Variants in LCMT1 observed in about 807,000 individuals in gnomAD.
The protein encoded by LCMT1 is [Phosphatase 2A protein]-leucine-carboxy methyltransferase 1.
In LCMT1, 32 loss-of-function variants were observed where a neutral mutation model predicts 47.7. The ratio of observed to expected loss-of-function variants is 0.67; its 90% CI spans 0.51 to 0.90. LCMT1 has a LOEUF of 0.90. Among genes scored for constraint, LCMT1 ranks in the 40% least tolerant of loss-of-function variants. LCMT1 has a pLI of 0.00. For synonymous variants in LCMT1, 152 were observed against 149.7 expected, an observed-to-expected ratio of 1.02 and a Z score of -0.11; for missense variants, 375 against 415.2, an observed-to-expected ratio of 0.90 and a Z score of 0.84.
At chr16:25,134,915 T>A (rs1421125743) in intron 3 of LCMT1, among the ~76,000 whole-genome samples, 1 of 152,180 alleles carries the variant, frequency 6.6e-6, no homozygotes, top group African/African-American at 2.4e-5. Flanking sequence ...TGTTGTGTTT[T>A]TGTAATGAGT....
intron 7 of LCMT1, among the ~76,000 whole-genome samples, chr16:25,167,310 CT>C (rs1202315652): frequency 6.6e-6 from 1 of 151,670 alleles, no homozygotes; most frequent in East Asian, 1.9e-4. Context: ...TTTGCTTTTC[CT>C]TTTTTTTGGT....
chr16:25,120,739 GTTTT>G (rs972134934), intron 1 of LCMT1, among the ~76,000 whole-genome samples: 7 of 103,576 alleles, frequency 6.8e-5, no homozygotes, highest in Admixed American at 4.7e-4. Context: ...TTGTTTTTTT[GTTTT>G]TTTTTTTTGT....
chr16:25,129,485 A>G (rs1159311944), intron 2 of LCMT1, among the ~76,000 whole-genome samples: 1 of 152,198 alleles, frequency 6.6e-6, no homozygotes, highest in African/African-American at 2.4e-5. Context: ...GATCATTTTC[A>G]TGTGTTTGAA....
chr16:25,129,187 A>AAC (rs1488209316), intron 2 of LCMT1, among the ~76,000 whole-genome samples: 6 of 151,888 alleles, frequency 4.0e-5, no homozygotes, highest in Non-Finnish European at 8.8e-5. Flanking sequence ...CAAGTTTTAT[A>AAC]ACACACTGTG....
At chr16:25,130,930 T>C (rs1440905371) in intron 2 of LCMT1, among the ~76,000 whole-genome samples, 1 of 152,190 alleles carries the variant, frequency 6.6e-6, no homozygotes, top group East Asian at 1.9e-4. Flanking sequence ...GCAGGAAAGG[T>C]AGTCATTCAG....
chr16:25,151,395 A>C, intron 4 of LCMT1, 159 bp from the exon 5 acceptor site: 1 of 626,258 alleles, frequency 1.6e-6, no homozygotes, highest in Non-Finnish European at 2.8e-6. Context: ...AAAAGTAATT[A>C]AACTGAAGCC....
chr16:25,147,470 C>G (rs988685750), intron 4 of LCMT1: 1 of 152,192 alleles, frequency 6.6e-6, no homozygotes, highest in Non-Finnish European at 1.5e-5. Flanking sequence ...GGGCCACACA[C>G]ACCTGACAAG....
At chr16:25,135,284 A>AAAAAAAAAAAAAAAAT (rs1555482753) in intron 3 of LCMT1, among the ~76,000 whole-genome samples, 9 of 140,652 alleles carry the variant, frequency 6.4e-5, no homozygotes, top group African/African-American at 2.3e-4. Flanking sequence ...TTTCTTTTAA[A>AAAAAAAAAAAAAAAAT]ATATATATCT....
At chr16:25,120,707 G>A (rs1310737321) in intron 1 of LCMT1, among the ~76,000 whole-genome samples, 1 of 150,492 alleles carries the variant, frequency 6.6e-6, no homozygotes, top group Non-Finnish European at 1.5e-5. Context: ...TGGATTACAG[G>A]CGTGAGACAC....
At chr16:25,114,036 C>T (rs1045565792) in intron 1 of LCMT1, among the ~76,000 whole-genome samples, 5 of 152,068 alleles carry the variant, frequency 3.3e-5, no homozygotes, top group Admixed American at 6.5e-5. Flanking sequence ...AAAGTGAAGC[C>T]CTCAGTAAAT....
rs537362811 is a variant in LCMT1 at position 25,129,704 on chromosome 16, A to G, written c.205+1138A>G. ...TTTTCCTCTGGTTGGTTGGTTGCCT[A>G]TGGCTCATCTAGGTGTCTGGACTAA... is the stretch of plus-strand genomic sequence containing the variant. On this transcript the variant is annotated intron_variant, in intron 2 of 10. Transcript: ENST00000399069. 1.7e-3 allele frequency among the ~76,000 whole-genome samples: 260 copies of G among 152,334 alleles called. 1 individual carries two copies. The highest frequency in any genetic ancestry group is 0.01 in the Middle Eastern group (3 of 294).
chr16:25,120,739 G>GTT (rs972134934), intron 1 of LCMT1, among the ~76,000 whole-genome samples: 12 of 103,554 alleles, frequency 1.2e-4, no homozygotes, highest in South Asian at 3.3e-4. Context: ...TTGTTTTTTT[G>GTT]TTTTTTTTTT....
rs1292109622 is a variant in LCMT1 at position 25,124,171 on chromosome 16, T to C, written c.114-4304T>C. On this transcript the variant is annotated intron_variant, in intron 1 of 10. Transcript: ENST00000399069. ...GGAAAGCAGTATCTTTTCAGGAAAC[T>C]CTACACAGTAGACCTGTTATTATAA... is the stretch of plus-strand genomic sequence containing the variant. Among the ~76,000 whole-genome samples the C allele has an allele frequency of 3.3e-5, 5 of 152,330 alleles. No individual in the cohort carries two copies. In the East Asian group the frequency reaches 9.6e-4, roughly 29 times the overall value.
intron 1 of LCMT1, among the ~76,000 whole-genome samples, chr16:25,119,286 C>T (rs1171774143): frequency 6.6e-6 from 1 of 152,078 alleles, no homozygotes; most frequent in East Asian, 1.9e-4. Flanking sequence ...GATCTAGCTT[C>T]TGTTAAATGT....
intron 3 of LCMT1, among the ~76,000 whole-genome samples, chr16:25,138,535 TTGTG>T (rs928080540): frequency 2.0e-5 from 3 of 151,540 alleles, no homozygotes; most frequent in South Asian, 2.1e-4. Flanking sequence ...GTGTGTGTGG[TTGTG>T]TGTGTGTGTA....
intron 3 of LCMT1, among the ~76,000 whole-genome samples, chr16:25,138,173 G>A (rs1274320002): frequency 6.6e-6 from 1 of 152,214 alleles, no homozygotes; most frequent in Non-Finnish European, 1.5e-5. Flanking sequence ...GTGGAGAGGG[G>A]GAGAGGCTGG....
chr16:25,138,935 T>G (rs1259665731), intron 3 of LCMT1, among the ~76,000 whole-genome samples: 2 of 152,068 alleles, frequency 1.3e-5, no homozygotes, highest in East Asian at 3.9e-4. Flanking sequence ...TTTTCTCTTT[T>G]CTTTTTTTTT....
At chr16:25,113,096 A>G (rs895764003) in intron 1 of LCMT1, among the ~76,000 whole-genome samples, 4 of 144,974 alleles carry the variant, frequency 2.8e-5, no homozygotes, top group African/African-American at 1.0e-4. Flanking sequence ...AGCCAAGATC[A>G]CGCTATTGCA....
Position 25,132,465 on chromosome 16 carries a change from G to T in LCMT1, c.269G>T (p.Cys90Phe). Residue 90 changes from cysteine to phenylalanine, a missense_variant, in exon 3 of 11, where the codon TGT becomes TTT. Transcript: ENST00000399069. ...LIKAFLRKTE[C>F]HCQIVNLGAG... ...AAGGCATTTCTACGGAAGACAGAAT[G>T]TCATTGTCAAATTGTCAACCTTGGG... 6.2e-7 allele frequency: 1 copy of T among 1,613,890 alleles called. No individual in the cohort carries two copies. The highest frequency in any genetic ancestry group is 1.1e-5 in the South Asian group (1 of 91,074).
Sources: gnomAD v4.1 joint callset for allele counts (sites outside exome capture counted in the v4.1 genomes callset) on GRCh38, gnomAD v4.1.1 for gene constraint, MANE v1.5 for transcripts, NCBI Gene and HGNC (gene_info 2026-07-23, HGNC 2026-07-21) for gene names.